The following KIAA0825 variants were observed in gnomAD, a reference collection of about 807,000 sequenced individuals.
KIAA0825 encodes uncharacterized protein KIAA0825.
A neutral mutation model predicts 147.6 loss-of-function variants in KIAA0825; 119 were observed. That is an observed-to-expected ratio of 0.81 (90% confidence interval 0.69 to 0.94). The LOEUF (loss-of-function observed/expected upper bound fraction) is 0.94, where lower values mean the gene tolerates loss of function less well. KIAA0825 is among the 40% of genes least tolerant of loss of function. The probability of loss-of-function intolerance (pLI) is 0.00; values close to 1 mark genes in which losing one functional copy is unlikely to be tolerated. For synonymous variants in KIAA0825, 470 were observed against 518.1 expected (o/e 0.91, Z 1.26); for missense variants, 1,381 against 1,472.7 (o/e 0.94, Z 1.02).
chr5:94,191,341 T>A (rs183183110), intron 20 of KIAA0825, among the ~76,000 whole-genome samples: 3 of 152,184 alleles, frequency 2.0e-5, no homozygotes, highest in Non-Finnish European at 4.4e-5. Flanking sequence ...AGAAAACATT[T>A]GGGTGATTAG....
At position 94,524,097 on chromosome 5, in the gene KIAA0825, T is replaced by C. The variant is rs778165468; in HGVS notation, c.133A>G (p.Ile45Val). ...DEKIEQNAAS[I>V]KHCIKEIQSE... ...TGTATCTCTTTAATGCAATGTTTTA[T>C]GCTATAAAAAACAGAAGAAAAAGTT... Residue 45 changes from isoleucine (I) to valine (V), a missense_variant and splice_region_variant, in exon 4 of 21, where the codon ATA becomes GTA. Physicochemically the swap from Ile to Val is conservative, Grantham distance 29 (BLOSUM62 3). Coordinates refer to ENST00000682413, the MANE Select transcript of KIAA0825 (RefSeq NM_001145678.3). 1.3e-6 allele frequency: 2 copies of C among 1,595,980 alleles called. No individual in the cohort carries two copies. Among genetic ancestry groups the C allele is most frequent in the African/African-American group, 2.7e-5 (2 of 73,858 alleles).
In KIAA0825 at chr5:94,386,271, G is replaced by A. The variant is rs528412872; in HGVS notation, c.3590C>T (p.Ala1197Val). The change falls in exon 19 of 21, where the codon GCG (alanine) becomes GTG (valine). Residue 1197 changes from alanine (A) to valine (V), a missense_variant. By Grantham distance (64) the Ala-to-Val change is moderately conservative. Coordinates refer to ENST00000682413, the MANE Select transcript of KIAA0825 (RefSeq NM_001145678.3). Reference protein sequence around the residue: ...SAFNPFHVYKAFSENMLDQVS... With the variant: ...SAFNPFHVYKVFSENMLDQVS... ...CTGATCTAGCATGTTTTCACTAAAC[G>A]CCTTATACACATGGAAAGGGTTAAA... 1.9e-5 allele frequency: 29 copies of A among 1,550,672 alleles called. No homozygotes were observed. The highest frequency in any genetic ancestry group is 4.1e-5 in the African/African-American group (3 of 73,034).
intron 20 of KIAA0825, among the ~76,000 whole-genome samples, chr5:94,237,524 G>A (rs933416849): frequency 1.3e-5 from 2 of 152,126 alleles, no homozygotes. Flanking sequence ...CAAACGCCAA[G>A]ATATTCTTAC....
At position 94,158,921 on chromosome 5, in the gene KIAA0825, T is replaced by G. The variant is rs77753337; in HGVS notation, c.3711-4797A>C. On this transcript the variant is annotated intron_variant, in intron 20 of 20. Transcript: ENST00000682413. Reference sequence around the variant, plus strand: ...AAGTGATAACTATTATGATGATGATTATTATTATTTGGCATATTGGTTAAG... The same window carrying G: ...AAGTGATAACTATTATGATGATGATGATTATTATTTGGCATATTGGTTAAG... Among the ~76,000 whole-genome samples, 392 of 152,292 alleles carry G rather than the reference T, an allele frequency of 2.6e-3. 1 individual carries two copies. Among genetic ancestry groups the G allele is most frequent in the African/African-American group, 9.0e-3 (376 of 41,574 alleles).
intron 9 of KIAA0825, among the ~76,000 whole-genome samples, chr5:94,471,149 A>T (rs1761164009): frequency 6.6e-6 from 1 of 152,238 alleles, no homozygotes; most frequent in South Asian, 2.1e-4. Flanking sequence ...AATGCACCTT[A>T]CAAAACGAAA....
intron 16 of KIAA0825, among the ~76,000 whole-genome samples, chr5:94,400,598 T>G (rs908365172): frequency 6.6e-6 from 1 of 152,146 alleles, no homozygotes; most frequent in Non-Finnish European, 1.5e-5. Flanking sequence ...TTATTTTCAT[T>G]AAAAAAGTAA....
intron 20 of KIAA0825, among the ~76,000 whole-genome samples, chr5:94,169,336 C>G (rs993984813): frequency 6.6e-6 from 1 of 152,058 alleles, no homozygotes; most frequent in Admixed American, 6.6e-5. Flanking sequence ...AATCTCAGCA[C>G]TTTGGGAGGC....
intron 20 of KIAA0825, among the ~76,000 whole-genome samples, chr5:94,361,217 T>G (rs532585637): frequency 6.6e-6 from 1 of 152,312 alleles, no homozygotes; most frequent in South Asian, 2.1e-4. Context: ...TTTTTCATAT[T>G]TAAAAATAAT....
chr5:94,563,201 A>AAC (rs932376633), intron 2 of KIAA0825, among the ~76,000 whole-genome samples: 5 of 150,914 alleles, frequency 3.3e-5, no homozygotes, highest in Non-Finnish European at 7.4e-5. Flanking sequence ...AAAACAAAAA[A>AAC]AAAAAAATCA....
chr5:94,557,078 G>A (rs2152278038), intron 2 of KIAA0825, among the ~76,000 whole-genome samples: 1 of 152,090 alleles, frequency 6.6e-6, no homozygotes, highest in East Asian at 1.9e-4. Context: ...ATCATTTTGG[G>A]TAGCTGGCCA....
rs757416656 is a variant in KIAA0825 at position 94,484,940 on chromosome 5, G to C, written c.971-10C>G. The C allele has an allele frequency of 1.4e-6, 2 of 1,466,802 alleles. No individual in the cohort carries two copies. The highest frequency in any genetic ancestry group is 2.2e-5 in the Admixed American group (1 of 44,860). 90.9% of individuals were successfully genotyped at this position (1,466,802 alleles called of 1,614,324 possible). A position where few individuals can be genotyped will look rare whatever the true frequency, so the allele number is the denominator to read the frequency against. On this transcript the variant is annotated splice_polypyrimidine_tract_variant and intron_variant, in intron 5 of 20. Coordinates refer to ENST00000682413, the MANE Select transcript of KIAA0825 (RefSeq NM_001145678.3). Reference sequence around the variant, plus strand: ...GGGCATTCAGTAGTAACTGTGAAAAGAAAAGATCAATACTGTCATACATTT... The same window carrying C: ...GGGCATTCAGTAGTAACTGTGAAAACAAAAGATCAATACTGTCATACATTT...
chr5:94,272,212 G>C (rs1777027086), intron 20 of KIAA0825, among the ~76,000 whole-genome samples: 1 of 151,394 alleles, frequency 6.6e-6, no homozygotes, highest in Admixed American at 6.6e-5. Context: ...GGAGGACAGG[G>C]ACATGGGGAT....
chr5:94,399,892 T>G (rs1751161612), intron 16 of KIAA0825, among the ~76,000 whole-genome samples: 1 of 152,158 alleles, frequency 6.6e-6, no homozygotes, highest in South Asian at 2.1e-4. Context: ...TATTTATTAA[T>G]GGTAAAAAAG....
chr5:94,166,967 G>T (rs1389276146), intron 20 of KIAA0825, among the ~76,000 whole-genome samples: 1 of 152,158 alleles, frequency 6.6e-6, no homozygotes, highest in South Asian at 2.1e-4. Context: ...TGAGAATAAC[G>T]TTATGAGTAT....
At chr5:94,527,264 C>G (rs1769500585) in intron 3 of KIAA0825, among the ~76,000 whole-genome samples, 1 of 151,842 alleles carries the variant, frequency 6.6e-6, no homozygotes, top group African/African-American at 2.4e-5. Context: ...AGTCCGGGAG[C>G]TGATTAATAT....
chr5:94,197,866 A>ATTGTAAAAT (rs1771285362), intron 20 of KIAA0825, among the ~76,000 whole-genome samples: 2 of 152,188 alleles, frequency 1.3e-5, no homozygotes, highest in African/African-American at 4.8e-5. Context: ...CTGTTTGGTT[A>ATTGTAAAAT]CCATAGCATT....
intron 7 of KIAA0825, among the ~76,000 whole-genome samples, chr5:94,475,088 C>CA (rs796762483): frequency 0.046 from 5,553 of 121,530 alleles, 135 homozygotes; most frequent in East Asian, 0.11. Context: ...GACTCCATCT[C>CA]AAAAAAAAAA....
intron 20 of KIAA0825, among the ~76,000 whole-genome samples, chr5:94,263,270 T>C (rs1776591593): frequency 6.6e-6 from 1 of 152,168 alleles, no homozygotes; most frequent in South Asian, 2.1e-4. Context: ...GGTAACCAAG[T>C]TCTCAAAGAT....
intron 20 of KIAA0825, among the ~76,000 whole-genome samples, chr5:94,346,635 T>C (rs1454672993): frequency 3.3e-5 from 5 of 152,116 alleles, no homozygotes; most frequent in African/African-American, 4.8e-5. Context: ...CCGAGCGAAA[T>C]ACAGGGGTAG....
Sources: allele counts gnomAD v4.1 joint callset (sites outside exome capture counted in the v4.1 genomes callset), GRCh38; gene constraint gnomAD v4.1.1; transcripts MANE v1.5; gene names NCBI Gene and HGNC (gene_info 2026-07-23, HGNC 2026-07-21).